TNN: variants seen among roughly 807,000 people sequenced by gnomAD.
The protein encoded by TNN is tenascin-N.
Under a neutral mutation model 134.4 loss-of-function variants are expected in TNN, and 122 were observed. The observed-to-expected ratio is 0.91, with a 90% confidence interval of 0.78 to 1.06. The LOEUF (loss-of-function observed/expected upper bound fraction) is 1.06. TNN is among the 50% of genes least tolerant of loss of function. The probability of loss-of-function intolerance (pLI) is 0.00; values close to 1 mark genes in which losing one functional copy is unlikely to be tolerated. For synonymous variants in TNN, 710 were observed against 670.3 expected, an observed-to-expected ratio of 1.06 and a Z score of -0.91; for missense variants, 1,739 against 1,699.4, an observed-to-expected ratio of 1.02 and a Z score of -0.41.
Position 175,079,563 on chromosome 1 carries a change from C to A in TNN, c.640C>A (p.Arg214Ser). The A allele has an allele frequency of 1.9e-6, 3 of 1,577,344 alleles. No homozygotes were observed. The highest frequency in any genetic ancestry group is 2.6e-6 in the Non-Finnish European group (3 of 1,163,012). The change falls in exon 3 of 19, where the codon CGC becomes AGC. Residue 214 changes from arginine (R) to serine (S), a missense_variant. Physicochemically the swap from Arg to Ser is moderately radical, Grantham distance 110 (BLOSUM62 -1). Coordinates refer to ENST00000239462, the MANE Select transcript of TNN (RefSeq NM_022093.2). The stretch of plus-strand genomic sequence containing the variant: ...CTGCAGCGGACACGGCGAGTGCGTG[C>A]GCGGCGTGTGCCAGTGCCACGAAGA... ...ENCSGHGECVRGVCQCHEDFM... is the reference protein window; with the variant it reads ...ENCSGHGECVSGVCQCHEDFM...
Position 175,085,422 on chromosome 1 carries a change from G to T in TNN, c.1252G>T (p.Glu418Ter), listed in dbSNP as rs1185208266. 2.1e-5 allele frequency: 34 copies of T among 1,612,564 alleles called. No individual in the cohort carries two copies. Among genetic ancestry groups the T allele is most frequent in the Non-Finnish European group, 2.8e-5 (33 of 1,179,106 alleles). ...YDITGLHPGT[E>*]YKITVVPMRG... Reference sequence around the variant, plus strand: ...GTTTCCAGGTCTGCACCCGGGGACTGAGTATAAGATCACGGTGGTGCCCAT... The same window carrying T: ...GTTTCCAGGTCTGCACCCGGGGACTTAGTATAAGATCACGGTGGTGCCCAT... Residue 418 changes from glutamate (E) to a stop codon, truncating the protein, a stop_gained, in exon 6 of 19, where the codon GAG becomes TAG. Coordinates refer to ENST00000239462, the MANE Select transcript of TNN (RefSeq NM_022093.2). LOFTEE classifies it high-confidence loss of function.
At chr1:175,131,917 TACACACACACACACACACAC>T (rs3028571) in intron 15 of TNN, among the ~76,000 whole-genome samples, 1 of 136,338 alleles carries the variant, frequency 7.3e-6, no homozygotes, top group Non-Finnish European at 1.6e-5. Flanking sequence ...GAAGTATTAT[TACACACACACACACACACAC>T]ACACACACAC....
chr1:175,091,554 ATTATT>A (rs761031918), intron 6 of TNN, among the ~76,000 whole-genome samples: 2,746 of 142,316 alleles, frequency 0.019, 48 homozygotes, highest in South Asian at 0.084. Context: ...ACTTTTATTT[ATTATT>A]TTTATTTATT....
chr1:175,102,940 G>A (rs1027561309), intron 9 of TNN, among the ~76,000 whole-genome samples: 1 of 146,274 alleles, frequency 6.8e-6, no homozygotes, highest in Non-Finnish European at 1.5e-5. Flanking sequence ...CTTCCTGCTG[G>A]ATGGGGCAAA....
rs560796695 is a variant in TNN, at chr1:175,098,205, A to G, written c.1856-127A>G. 147 of 1,329,156 alleles carry G rather than the reference A, an allele frequency of 1.1e-4. 2 individuals are homozygous for G. The South Asian group carries it at 1.9e-3, about 17-fold the overall frequency. 82.3% of individuals were successfully genotyped at this position (1,329,156 alleles called of 1,614,324 possible). A position where few individuals can be genotyped will look rare whatever the true frequency, so the allele number is the denominator to read the frequency against. On this transcript the variant is annotated intron_variant, in intron 8 of 18. Transcript: ENST00000239462. ...CTTTCTCCTTAGACTCCCAGCGGAGACTCAGGATGAGAATGCCATTGCCTT... is the reference window on the plus strand; with the variant it reads ...CTTTCTCCTTAGACTCCCAGCGGAGGCTCAGGATGAGAATGCCATTGCCTT...
At position 175,123,397 on chromosome 1, in the gene TNN, A is replaced by G; in HGVS notation, c.2651-3A>G. The G allele has an allele frequency of 6.2e-7, 1 of 1,612,932 alleles. No individual in the cohort carries two copies. Among genetic ancestry groups the G allele is most frequent in the Non-Finnish European group, 8.5e-7 (1 of 1,179,744 alleles). ...TCAGCCTTTTCTAAATCTTTTTAAA[A>G]AGAAATTGACGGCCCCAAAAACCTA... On this transcript the variant is annotated splice_region_variant and splice_polypyrimidine_tract_variant and intron_variant, in intron 11 of 18. Transcript: ENST00000239462.
rs758620541 is a variant in TNN at position 175,147,061 on chromosome 1, G to T, written c.3890G>T (p.Arg1297Leu). Residue 1297 changes from arginine to leucine, a missense_variant, in exon 19 of 19, where the codon CGA (arginine) becomes CTA (leucine). Physicochemically the swap from Arg to Leu is moderately radical, Grantham distance 102 (BLOSUM62 -2). Coordinates refer to ENST00000239462, the MANE Select transcript of TNN (RefSeq NM_022093.2). Reference protein sequence around the residue: ...RKKRTLRGRLRTF With the variant: ...RKKRTLRGRLLTF Reference sequence around the variant, plus strand: ...AAGCGGACGCTGAGAGGAAGGCTGCGAACGTTCTGATGGCCCGTGTGAGCA... The same window carrying T: ...AAGCGGACGCTGAGAGGAAGGCTGCTAACGTTCTGATGGCCCGTGTGAGCA... The T allele has an allele frequency of 6.3e-7, 1 of 1,580,456 alleles. No homozygotes were observed. The highest frequency in any genetic ancestry group is 1.9e-5 in the Admixed American group (1 of 53,506).
At chr1:175,101,389 C>A (rs1037436385) in intron 9 of TNN, among the ~76,000 whole-genome samples, 1 of 149,194 alleles carries the variant, frequency 6.7e-6, no homozygotes, top group African/African-American at 2.4e-5. Flanking sequence ...GGTGTTACAG[C>A]TCATAAAAGC....
At chr1:175,146,633 T>A (rs1361240748) in intron 18 of TNN, among the ~76,000 whole-genome samples, 1 of 151,944 alleles carries the variant, frequency 6.6e-6, no homozygotes, top group African/African-American at 2.4e-5. Context: ...CTGTGGCTGC[T>A]CTGGCCTCAC....
chr1:175,109,142 G>A (rs1431586800), intron 9 of TNN, among the ~76,000 whole-genome samples: 1 of 119,594 alleles, frequency 8.4e-6, no homozygotes, highest in Non-Finnish European at 1.6e-5. Flanking sequence ...ACTGCGGACT[G>A]CAGTGGCGCA....
intron 9 of TNN, among the ~76,000 whole-genome samples, chr1:175,109,367 C>T (rs920973026): frequency 3.3e-5 from 5 of 151,694 alleles, no homozygotes; most frequent in Middle Eastern, 3.2e-3. Context: ...GGATTACAGG[C>T]GTGAGCCACC....
intron 6 of TNN, among the ~76,000 whole-genome samples, chr1:175,089,876 GTTCCA>G (rs1341520393): frequency 6.6e-6 from 1 of 152,116 alleles, no homozygotes; most frequent in Admixed American, 6.5e-5. Flanking sequence ...CAAACACAAT[GTTCCA>G]TTTGAAATGG....
intron 17 of TNN, among the ~76,000 whole-genome samples, chr1:175,141,003 G>A (rs975947174): frequency 3.3e-5 from 5 of 152,136 alleles, no homozygotes; most frequent in African/African-American, 7.2e-5. Flanking sequence ...CTTCATTTTA[G>A]CTCTGATTAG....
chr1:175,107,767 C>T (rs1397370982), intron 9 of TNN, among the ~76,000 whole-genome samples: 1 of 137,828 alleles, frequency 7.3e-6, no homozygotes, highest in Non-Finnish European at 1.6e-5. Context: ...CGTTTACAAT[C>T]CCTGAGCTAG....
intron 2 of TNN, 121 bp from the exon 3 acceptor site, chr1:175,079,212 A>C: frequency 2.4e-6 from 3 of 1,271,122 alleles, no homozygotes; most frequent in Admixed American, 6.2e-5. Flanking sequence ...AGACCCAGAA[A>C]TCACCAGACC....
At chr1:175,083,301 T>G (rs561238691) in intron 4 of TNN, among the ~76,000 whole-genome samples, 54 of 152,304 alleles carry the variant, frequency 3.5e-4, no homozygotes, top group Non-Finnish European at 5.3e-4. Flanking sequence ...AAGTTTGAAA[T>G]AGATTCTCTC....
intron 15 of TNN, among the ~76,000 whole-genome samples, chr1:175,135,024 A>G (rs1011403425): frequency 6.6e-6 from 1 of 151,784 alleles, no homozygotes; most frequent in Admixed American, 6.6e-5. Flanking sequence ...CTCCCTTTCC[A>G]TCCCTTCCTC....
Position 175,138,715 on chromosome 1 carries a change from T to C in TNN, c.3595+1727T>C, listed in dbSNP as rs143732211. On this transcript the variant is annotated intron_variant, in intron 17 of 18. Coordinates refer to ENST00000239462, the MANE Select transcript of TNN (RefSeq NM_022093.2). ...CGGGCTGAAGACAGGCTGTGCTACA[T>C]GTACTTGAAGTATAACATAGTCATG... is the stretch of plus-strand genomic sequence containing the variant. Among the ~76,000 whole-genome samples, 376 of 152,332 alleles carry C rather than the reference T, an allele frequency of 2.5e-3. 4 individuals carry two copies. Among genetic ancestry groups the C allele is most frequent in the African/African-American group, 8.7e-3 (362 of 41,568 alleles).
At position 175,128,082 on chromosome 1, in the gene TNN, G is replaced by A. The variant is rs746320271; in HGVS notation, c.3096G>A (p.Glu1032=). 6.2e-7 allele frequency: 1 copy of A among 1,614,096 alleles called. No individual in the cohort carries two copies. The highest frequency in any genetic ancestry group is 8.5e-7 in the Non-Finnish European group (1 of 1,179,954). Residue 1032 remains glutamate, a synonymous_variant, in exon 14 of 19, where the codon GAG becomes GAA. Coordinates refer to ENST00000239462, the MANE Select transcript of TNN (RefSeq NM_022093.2). ...AGAGGTTTGCGTTGCAAGGCCTTGA[G>A]CAAGGCGCCACCTACCCTGTCTCCC... ...EDQRFALQGL[E]QGATYPVSLV... is the part of the protein sequence containing the mutation.
Sources: gnomAD v4.1 joint callset for allele counts (sites outside exome capture counted in the v4.1 genomes callset) on GRCh38, gnomAD v4.1.1 for gene constraint, MANE v1.5 for transcripts, NCBI Gene and HGNC (gene_info 2026-07-23, HGNC 2026-07-21) for gene names.